The following PDE4B variants were observed in gnomAD, a reference collection of about 807,000 sequenced individuals.
PDE4B encodes the protein 3',5'-cyclic-AMP phosphodiesterase 4B.
Under a neutral mutation model 82.2 loss-of-function variants are expected in PDE4B, and 20 were observed. The ratio of observed to expected loss-of-function variants is 0.24; its 90% CI spans 0.17 to 0.35. The LOEUF (loss-of-function observed/expected upper bound fraction) is 0.35. PDE4B is among the 10% of genes least tolerant of loss of function. The pLI, the probability that PDE4B is intolerant of heterozygous loss-of-function variation, is 1.00. For synonymous variants in PDE4B, 320 were observed against 318.9 expected (o/e 1.00, Z -0.04); for missense variants, 655 against 907.2 (o/e 0.72, Z 3.57).
At chr1:66,344,026 T>A (rs1661214840) in intron 8 of PDE4B, among the ~76,000 whole-genome samples, 1 of 152,194 alleles carries the variant, frequency 6.6e-6, no homozygotes, top group African/African-American at 2.4e-5. Flanking sequence ...CTCTCACTCA[T>A]AATCCACAAG....
intron 3 of PDE4B, among the ~76,000 whole-genome samples, chr1:66,224,672 T>C (rs1352690622): frequency 1.3e-5 from 2 of 152,186 alleles, no homozygotes; most frequent in African/African-American, 4.8e-5. Context: ...TGAGCCGAGA[T>C]TGTGCCATTG....
At chr1:66,331,176 G>A (rs1027793752) in intron 7 of PDE4B, among the ~76,000 whole-genome samples, 1 of 152,140 alleles carries the variant, frequency 6.6e-6, no homozygotes, top group African/African-American at 2.4e-5. Flanking sequence ...TAAAAACCAT[G>A]TGGTCTTGCT....
At chr1:66,368,240 A>G in intron 15 of PDE4B, 175 bp downstream of exon 15, 1 of 580,592 alleles carries the variant, frequency 1.7e-6, no homozygotes, top group East Asian at 2.9e-5. Flanking sequence ...TTTATCTTCT[A>G]ATTTATGAGG....
intron 3 of PDE4B, among the ~76,000 whole-genome samples, chr1:66,200,547 T>G (rs200044722): frequency 0.095 from 14,509 of 152,000 alleles, 1,636 homozygotes; most frequent in East Asian, 0.53. Context: ...AGTTCTCCTT[T>G]AAGAGGTCCT....
At chr1:65,902,702 C>T (rs1436219552) in intron 1 of PDE4B, among the ~76,000 whole-genome samples, 1 of 152,072 alleles carries the variant, frequency 6.6e-6, no homozygotes, top group Non-Finnish European at 1.5e-5. Context: ...CAGTACACAG[C>T]CCTCAGTAAT....
intron 3 of PDE4B, among the ~76,000 whole-genome samples, chr1:66,007,393 G>A (rs1937442): frequency 0.04 from 6,126 of 152,038 alleles, 484 homozygotes; most frequent in East Asian, 0.36. Flanking sequence ...GCAGTGAGCC[G>A]AGATCATGCC....
intron 1 of PDE4B, among the ~76,000 whole-genome samples, chr1:65,901,246 G>T (rs1646969118): frequency 6.6e-6 from 1 of 152,016 alleles, no homozygotes; most frequent in Non-Finnish European, 1.5e-5. Flanking sequence ...TTTATGTGAT[G>T]AATCACATTT....
intron 3 of PDE4B, among the ~76,000 whole-genome samples, chr1:66,083,341 T>C (rs1196245436): frequency 6.6e-6 from 1 of 152,098 alleles, no homozygotes; most frequent in Non-Finnish European, 1.5e-5. Flanking sequence ...CTCCTCACAG[T>C]ATAGCAGGCA....
At chr1:66,339,963 A>G (rs1015908731) in intron 8 of PDE4B, among the ~76,000 whole-genome samples, 3 of 152,166 alleles carry the variant, frequency 2.0e-5, no homozygotes, top group African/African-American at 7.2e-5. Context: ...GTATTCTTCC[A>G]AAACATTTTT....
At chr1:66,135,283 T>C (rs1646033932) in intron 3 of PDE4B, among the ~76,000 whole-genome samples, 1 of 152,232 alleles carries the variant, frequency 6.6e-6, no homozygotes, top group Admixed American at 6.5e-5. Flanking sequence ...TTTTAGGTGA[T>C]GAGAAATCAT....
intron 3 of PDE4B, among the ~76,000 whole-genome samples, chr1:66,219,283 C>G (rs1198391619): frequency 6.6e-6 from 1 of 152,126 alleles, no homozygotes; most frequent in Non-Finnish European, 1.5e-5. Flanking sequence ...TGGCATGTTT[C>G]TCATTCAGCT....
chr1:65,840,811 T>C (rs1285230550), intron 1 of PDE4B, among the ~76,000 whole-genome samples: 2 of 152,192 alleles, frequency 1.3e-5, no homozygotes, highest in Non-Finnish European at 2.9e-5. Context: ...GCTGAACTCG[T>C]AAAAGGCAGT....
chr1:66,079,077 T>A (rs1030881031), intron 3 of PDE4B, among the ~76,000 whole-genome samples: 3 of 152,072 alleles, frequency 2.0e-5, no homozygotes, highest in Non-Finnish European at 4.4e-5. Flanking sequence ...ATAGTGTATA[T>A]TGATTCTCTT....
At chr1:65,932,351 T>A (rs1277085039) in intron 3 of PDE4B, among the ~76,000 whole-genome samples, 1 of 152,090 alleles carries the variant, frequency 6.6e-6, no homozygotes, top group Non-Finnish European at 1.5e-5. Flanking sequence ...ATGGCCCCAA[T>A]ATCACTTCTA....
At chr1:66,320,377 G>A (rs970747971) in intron 7 of PDE4B, among the ~76,000 whole-genome samples, 7 of 152,070 alleles carry the variant, frequency 4.6e-5, no homozygotes, top group African/African-American at 1.4e-4. Context: ...CTATTGAGAG[G>A]CAAAATGTTT....
At chr1:66,330,680 G>A in intron 7 of PDE4B, 2 of 656,304 alleles carry the variant, frequency 3.0e-6, no homozygotes, top group South Asian at 1.4e-4. Flanking sequence ...AATGAGAATG[G>A]GAGGGTTCTG....
chr1:65,864,985 G>T (rs1222067646), intron 1 of PDE4B, among the ~76,000 whole-genome samples: 2 of 152,158 alleles, frequency 1.3e-5, no homozygotes, highest in Non-Finnish European at 2.9e-5. Context: ...GCCCACAACC[G>T]CCCCTTCCCC....
At chr1:66,134,259 T>C (rs1646010740) in intron 3 of PDE4B, among the ~76,000 whole-genome samples, 1 of 152,180 alleles carries the variant, frequency 6.6e-6, no homozygotes, top group Non-Finnish European at 1.5e-5. Context: ...TGGAGTTGCT[T>C]TGAATAAACC....
intron 1 of PDE4B, among the ~76,000 whole-genome samples, chr1:65,825,615 G>A (rs775425374): frequency 2.0e-5 from 3 of 151,950 alleles, no homozygotes; most frequent in Admixed American, 6.6e-5. Context: ...GGAGGCTGAG[G>A]CAAGCAGTTC....
Sources: allele counts gnomAD v4.1 joint callset (sites outside exome capture counted in the v4.1 genomes callset), GRCh38; gene constraint gnomAD v4.1.1; transcripts MANE v1.5; gene names NCBI Gene and HGNC (gene_info 2026-07-23, HGNC 2026-07-21).